The following EXOC4 variants were observed in gnomAD, a reference collection of about 807,000 sequenced individuals.
EXOC4 encodes the protein exocyst complex component 4.
In EXOC4, 71 loss-of-function variants were observed where a neutral mutation model predicts 107.2. The ratio of observed to expected loss-of-function variants is 0.66; its 90% CI spans 0.55 to 0.81. EXOC4 has a LOEUF of 0.81. EXOC4 is among the 30% of genes least tolerant of loss of function. The pLI, the probability that EXOC4 is intolerant of heterozygous loss-of-function variation, is 0.00. For missense variants in EXOC4, 1,108 were observed against 1,189.6 expected (o/e 0.93, Z 1.01); for synonymous variants, 456 against 441.2 (o/e 1.03, Z -0.42).
At chr7:133,405,648 G>T (rs926779955) in intron 7 of EXOC4, among the ~76,000 whole-genome samples, 1 of 152,116 alleles carries the variant, frequency 6.6e-6, no homozygotes, top group African/African-American at 2.4e-5. Context: ...GCCAGAAACT[G>T]CAGATTGTAC....
At chr7:133,695,722 A>G (rs1275445080) in intron 10 of EXOC4, among the ~76,000 whole-genome samples, 6 of 152,252 alleles carry the variant, frequency 3.9e-5, no homozygotes, top group African/African-American at 1.4e-4. Flanking sequence ...TGATATAGAG[A>G]TAGCACCTTT....
chr7:133,525,259 G>A (rs1202962650), intron 9 of EXOC4, among the ~76,000 whole-genome samples: 2 of 152,130 alleles, frequency 1.3e-5, no homozygotes, highest in Non-Finnish European at 2.9e-5. Context: ...GCCACTGCTG[G>A]TAGGCTAATA....
At chr7:133,428,045 C>G (rs76730787) in intron 7 of EXOC4, among the ~76,000 whole-genome samples, 6,039 of 152,208 alleles carry the variant, frequency 0.04, 414 homozygotes, top group African/African-American at 0.14. Flanking sequence ...CAACTTATGC[C>G]TGATAGGATC....
At chr7:133,972,151 T>A (rs1296425708) in intron 14 of EXOC4, among the ~76,000 whole-genome samples, 1 of 152,244 alleles carries the variant, frequency 6.6e-6, no homozygotes, top group African/African-American at 2.4e-5. Context: ...ATGTAAAAAC[T>A]GAAGTATAAA....
intron 10 of EXOC4, among the ~76,000 whole-genome samples, chr7:133,637,162 T>C (rs2991231): frequency 0.44 from 66,246 of 152,036 alleles, 15,246 homozygotes; most frequent in Admixed American, 0.57. Flanking sequence ...TGCTATTAAC[T>C]AGTAATTTCT....
chr7:133,521,407 G>A (rs1360178734), intron 9 of EXOC4, among the ~76,000 whole-genome samples: 1 of 152,064 alleles, frequency 6.6e-6, no homozygotes, highest in Non-Finnish European at 1.5e-5. Context: ...AACAATAAAA[G>A]TGGCTCTATC....
At chr7:133,867,223 T>C (rs1585209994) in intron 11 of EXOC4, among the ~76,000 whole-genome samples, 1 of 152,254 alleles carries the variant, frequency 6.6e-6, no homozygotes, top group South Asian at 2.1e-4. Flanking sequence ...TTATCTTCCC[T>C]GTGCCTCAGT....
At chr7:133,907,551 G>A (rs1799594455) in intron 12 of EXOC4, among the ~76,000 whole-genome samples, 2 of 152,068 alleles carry the variant, frequency 1.3e-5, no homozygotes, top group Non-Finnish European at 2.9e-5. Flanking sequence ...TCACTGATCT[G>A]GGCCAGGCAG....
intron 9 of EXOC4, among the ~76,000 whole-genome samples, chr7:133,599,438 C>A (rs1344676806): frequency 6.6e-6 from 1 of 152,198 alleles, no homozygotes; most frequent in Admixed American, 6.5e-5. Context: ...TTCACTTTAT[C>A]ATCCTTTTCT....
chr7:133,926,001 T>C (rs1186701031), intron 13 of EXOC4, among the ~76,000 whole-genome samples: 2 of 138,252 alleles, frequency 1.4e-5, no homozygotes, highest in Admixed American at 1.6e-4. Context: ...ATTGCGCCAC[T>C]GACTGCACAC....
At chr7:133,619,930 A>G (rs1031031321) in intron 9 of EXOC4, among the ~76,000 whole-genome samples, 1 of 151,964 alleles carries the variant, frequency 6.6e-6, no homozygotes, top group African/African-American at 2.4e-5. Context: ...AGAGAAGAAA[A>G]TATTAATACT....
At chr7:133,661,600 T>G (rs1179949184) in intron 10 of EXOC4, among the ~76,000 whole-genome samples, 1 of 149,468 alleles carries the variant, frequency 6.7e-6, no homozygotes, top group Non-Finnish European at 1.5e-5. Context: ...CCCCCCTCCT[T>G]TTGTCTCTGT....
intron 10 of EXOC4, among the ~76,000 whole-genome samples, chr7:133,657,514 A>G (rs1803327785): frequency 6.6e-6 from 1 of 152,160 alleles, no homozygotes; most frequent in African/African-American, 2.4e-5. Flanking sequence ...CAAGGACAGC[A>G]TTTTGTAAGT....
At chr7:133,873,698 C>T (rs906039083) in intron 11 of EXOC4, among the ~76,000 whole-genome samples, 2 of 152,208 alleles carry the variant, frequency 1.3e-5, no homozygotes, top group Admixed American at 6.5e-5. Flanking sequence ...GAGCTATATT[C>T]GTCCATATTT....
chr7:134,031,521 G>A (rs1795270830), intron 17 of EXOC4, among the ~76,000 whole-genome samples: 1 of 152,188 alleles, frequency 6.6e-6, no homozygotes, highest in Admixed American at 6.5e-5. Flanking sequence ...TTGTTATTAA[G>A]AGTTGATTGT....
At chr7:133,549,105 T>C (rs1800538964) in intron 9 of EXOC4, among the ~76,000 whole-genome samples, 1 of 152,222 alleles carries the variant, frequency 6.6e-6, no homozygotes, top group Non-Finnish European at 1.5e-5. Context: ...CCAGGTTCAA[T>C]TGATTCTCAT....
chr7:133,687,895 A>G (rs1483547595), intron 10 of EXOC4, among the ~76,000 whole-genome samples: 1 of 152,224 alleles, frequency 6.6e-6, no homozygotes, highest in African/African-American at 2.4e-5. Flanking sequence ...CCCGTTAGAT[A>G]AAGATATTTA....
chr7:134,014,694 C>T (rs1794859845), intron 17 of EXOC4, among the ~76,000 whole-genome samples: 1 of 151,902 alleles, frequency 6.6e-6, no homozygotes, highest in South Asian at 2.1e-4. Flanking sequence ...CTAGATTGTG[C>T]TGATGGTTGT....
At chr7:133,572,756 C>T (rs934163222) in intron 9 of EXOC4, among the ~76,000 whole-genome samples, 11 of 152,164 alleles carry the variant, frequency 7.2e-5, no homozygotes, top group Non-Finnish European at 1.0e-4. Flanking sequence ...TGTCATTCCA[C>T]TGAAACAGCA....
Sources: gnomAD v4.1 joint callset for allele counts (sites outside exome capture counted in the v4.1 genomes callset) on GRCh38, gnomAD v4.1.1 for gene constraint, MANE v1.5 for transcripts, NCBI Gene and HGNC (gene_info 2026-07-23, HGNC 2026-07-21) for gene names.